Variants in ARMH1 observed in about 807,000 individuals in gnomAD.
The protein encoded by ARMH1 is armadillo-like helical domain containing protein 1.
ARMH1 carries 34 observed loss-of-function variants against 50.2 expected under a neutral mutation model. The observed-to-expected ratio is 0.68, with a 90% CI of 0.51 to 0.90. The LOEUF (loss-of-function observed/expected upper bound fraction) is 0.90, where lower values mean the gene tolerates loss of function less well. ARMH1 is among the 40% of genes least tolerant of loss of function. ARMH1 has a pLI of 0.00. For missense variants in ARMH1, 538 were observed against 553.9 expected, an observed-to-expected ratio of 0.97 and a Z score of 0.29; for synonymous variants, 221 against 224.2, an observed-to-expected ratio of 0.99 and a Z score of 0.13.
intron 1 of ARMH1, among the ~76,000 whole-genome samples, chr1:44,680,976 A>G (rs74070577): frequency 0.05 from 7,463 of 148,134 alleles, 474 homozygotes; most frequent in East Asian, 0.15. Flanking sequence ...CCCACCTCCA[A>G]TTTGCCCCCT....
intron 1 of ARMH1, among the ~76,000 whole-genome samples, chr1:44,688,725 A>T (rs1373210563): frequency 6.6e-6 from 1 of 152,212 alleles, no homozygotes; most frequent in Non-Finnish European, 1.5e-5. Flanking sequence ...AACATTTGTT[A>T]TGGATAATAA....
intron 6 of ARMH1, among the ~76,000 whole-genome samples, chr1:44,714,993 G>C (rs560648244): frequency 6.6e-6 from 1 of 151,780 alleles, no homozygotes; most frequent in Non-Finnish European, 1.5e-5. Context: ...CGATCCTCCC[G>C]CCTCAGCCTC....
At chr1:44,711,387 A>G (rs930135312) in intron 6 of ARMH1, among the ~76,000 whole-genome samples, 2 of 152,240 alleles carry the variant, frequency 1.3e-5, no homozygotes, top group African/African-American at 2.4e-5. Flanking sequence ...AATTATAGCC[A>G]TCTTAGTGGA....
intron 6 of ARMH1, 132 bp downstream of exon 6, chr1:44,704,305 T>C: frequency 1.4e-6 from 1 of 703,856 alleles, no homozygotes; most frequent in Non-Finnish European, 2.5e-6. Context: ...AGATGCTGGT[T>C]CAGAAAATGT....
intron 6 of ARMH1, among the ~76,000 whole-genome samples, chr1:44,711,416 A>G (rs542562085): frequency 6.6e-6 from 1 of 152,216 alleles, no homozygotes; most frequent in South Asian, 2.1e-4. Flanking sequence ...GCATTTTCCT[A>G]ATGAATAAGG....
At chr1:44,695,979 G>A (rs1366399150) in intron 2 of ARMH1, among the ~76,000 whole-genome samples, 2 of 151,820 alleles carry the variant, frequency 1.3e-5, no homozygotes, top group East Asian at 1.9e-4. Flanking sequence ...CCAGGACAGA[G>A]GAAACAGAAG....
intron 6 of ARMH1, among the ~76,000 whole-genome samples, chr1:44,720,766 T>G (rs1647071111): frequency 6.6e-6 from 1 of 152,152 alleles, no homozygotes; most frequent in South Asian, 2.1e-4. Flanking sequence ...CCGGGCGTGG[T>G]GGCTCACACC....
At chr1:44,710,680 A>G (rs948196831) in intron 6 of ARMH1, among the ~76,000 whole-genome samples, 11 of 151,986 alleles carry the variant, frequency 7.2e-5, no homozygotes, top group Non-Finnish European at 1.5e-4. Flanking sequence ...ATAAAAGCAC[A>G]TTTTTTAACT....
intron 1 of ARMH1, among the ~76,000 whole-genome samples, chr1:44,686,043 G>T (rs1482036600): frequency 6.6e-6 from 1 of 152,196 alleles, no homozygotes; most frequent in East Asian, 1.9e-4. Flanking sequence ...GGAAGAAGAT[G>T]TGAGAGACAG....
chr1:44,692,633 T>A (rs1253677180), intron 2 of ARMH1, among the ~76,000 whole-genome samples: 1 of 152,192 alleles, frequency 6.6e-6, no homozygotes, highest in African/African-American at 2.4e-5. Flanking sequence ...TTCTTACATT[T>A]AAGTTATTGA....
intron 6 of ARMH1, among the ~76,000 whole-genome samples, chr1:44,706,467 G>A (rs934322381): frequency 1.3e-5 from 2 of 152,124 alleles, no homozygotes; most frequent in Non-Finnish European, 1.5e-5. Context: ...CTGAGCCCCA[G>A]GTTCAGGAAG....
chr1:44,684,261 G>A (rs1439027122), intron 1 of ARMH1: 3 of 152,120 alleles, frequency 2.0e-5, no homozygotes, highest in Non-Finnish European at 4.4e-5. Flanking sequence ...AAAAATGGTA[G>A]TTAATGGGTC....
intron 6 of ARMH1, among the ~76,000 whole-genome samples, chr1:44,721,161 G>A (rs1647097838): frequency 6.6e-6 from 1 of 152,114 alleles, no homozygotes; most frequent in Non-Finnish European, 1.5e-5. Context: ...GTACCCTCAA[G>A]GTCAAGGTGG....
intron 1 of ARMH1, among the ~76,000 whole-genome samples, chr1:44,677,941 G>A (rs1270064133): frequency 2.0e-5 from 3 of 152,118 alleles, no homozygotes; most frequent in African/African-American, 7.2e-5. Flanking sequence ...TGAAATCCTG[G>A]GGGTGTAAGA....
chr1:44,722,757 C>G (rs950739531), intron 6 of ARMH1, among the ~76,000 whole-genome samples: 5 of 149,336 alleles, frequency 3.3e-5, no homozygotes, highest in African/African-American at 1.2e-4. Context: ...AACAAAAATA[C>G]TAGCATTTAC....
chr1:44,688,931 G>C (rs531657698), intron 1 of ARMH1, among the ~76,000 whole-genome samples: 1 of 152,238 alleles, frequency 6.6e-6, no homozygotes, highest in Non-Finnish European at 1.5e-5. Context: ...CGAGGTACAA[G>C]GTTAAGGAGC....
intron 6 of ARMH1, among the ~76,000 whole-genome samples, chr1:44,710,608 C>CAAAAAAAA (rs56731047): frequency 1.1e-5 from 1 of 92,898 alleles, no homozygotes; most frequent in Non-Finnish European, 2.1e-5. Flanking sequence ...GACTCCGTCT[C>CAAAAAAAA]AAAAAAAAAA....
chr1:44,686,288 A>G (rs1242994228), intron 1 of ARMH1, among the ~76,000 whole-genome samples: 1 of 152,206 alleles, frequency 6.6e-6, no homozygotes, highest in East Asian at 1.9e-4. Flanking sequence ...AAACAATAGG[A>G]AAAAAATGAC....
At chr1:44,691,736 A>C (rs1209138946) in intron 2 of ARMH1, among the ~76,000 whole-genome samples, 1 of 152,150 alleles carries the variant, frequency 6.6e-6, no homozygotes, top group African/African-American at 2.4e-5. Context: ...CTATATATCC[A>C]ACTATTCCAT....
Sources: gnomAD v4.1 joint callset for allele counts (sites outside exome capture counted in the v4.1 genomes callset) on GRCh38, gnomAD v4.1.1 for gene constraint, MANE v1.5 for transcripts, NCBI Gene and HGNC (gene_info 2026-07-23, HGNC 2026-07-21) for gene names.